The following ARHGAP39 variants were observed in gnomAD, a reference collection of about 807,000 sequenced individuals.
The protein encoded by ARHGAP39 is rho GTPase-activating protein 39.
A neutral mutation model predicts 106.9 loss-of-function variants in ARHGAP39; 44 were observed. That is an observed-to-expected ratio of 0.41 (90% CI 0.32 to 0.53). The LOEUF (loss-of-function observed/expected upper bound fraction) is 0.53, where lower values mean the gene tolerates loss of function less well. Among genes scored for constraint, ARHGAP39 ranks in the 20% least tolerant of loss-of-function variants. The probability of loss-of-function intolerance (pLI) is 0.21; values close to 1 mark genes in which losing one functional copy is unlikely to be tolerated. For synonymous variants in ARHGAP39, 768 were observed against 693.2 expected (o/e 1.11, Z -1.69); for missense variants, 1,496 against 1,577.3 (o/e 0.95, Z 0.87).
At chr8:144,554,904 C>A (rs943120665) in intron 4 of ARHGAP39, among the ~76,000 whole-genome samples, 30 of 152,354 alleles carry the variant, frequency 2.0e-4, no homozygotes, top group Middle Eastern at 3.4e-3. Flanking sequence ...CCAGTTCCTC[C>A]CCAGCACCAC....
In ARHGAP39 at chr8:144,533,250, C is replaced by T. The variant is rs371456040; in HGVS notation, c.2764G>A (p.Ala922Thr). The stretch of plus-strand genomic sequence containing the variant: ...TGCATGCCCATGACCTCCTGCAGTG[C>T]GCTGCCGAACATGGACGGGCTGAAC... ...AVFSPSMFGS[A>T]LQEVMGMQRE... Residue 922 changes from alanine (A) to threonine (T), a missense_variant, in exon 9 of 12, where the codon GCA (alanine) becomes ACA (threonine). Ala to Thr is a moderately conservative substitution (Grantham distance 58). Around this residue, in one of 4 missense-constraint regions of ARHGAP39, gnomAD observed 470 missense variants for 605.1 expected, o/e 0.78. Transcript: ENST00000377307. 1.2e-5 allele frequency: 19 copies of T among 1,613,142 alleles called. No homozygotes were observed. The highest frequency in any genetic ancestry group is 5.3e-5 in the African/African-American group (4 of 75,042).
At chr8:144,655,758 A>T (rs1376154917) in intron 1 of ARHGAP39, among the ~76,000 whole-genome samples, 1 of 152,126 alleles carries the variant, frequency 6.6e-6, no homozygotes, top group Non-Finnish European at 1.5e-5. Flanking sequence ...AACTTGGGCA[A>T]AGGCGCCACT....
chr8:144,614,074 C>T (rs969462319), intron 1 of ARHGAP39, among the ~76,000 whole-genome samples: 3 of 152,202 alleles, frequency 2.0e-5, no homozygotes, highest in African/African-American at 7.2e-5. Flanking sequence ...TGGACATTTT[C>T]GTTTCAACTC....
intron 2 of ARHGAP39, among the ~76,000 whole-genome samples, chr8:144,595,471 C>T (rs923967860): frequency 3.3e-5 from 5 of 152,168 alleles, no homozygotes; most frequent in African/African-American, 1.2e-4. Flanking sequence ...ATGGTGGCAG[C>T]AGCTGCACAA....
intron 2 of ARHGAP39, among the ~76,000 whole-genome samples, chr8:144,587,264 A>G (rs1819214849): frequency 6.6e-6 from 1 of 152,248 alleles, no homozygotes; most frequent in Non-Finnish European, 1.5e-5. Flanking sequence ...AGTGACAGCC[A>G]GGTAAGCACA....
intron 1 of ARHGAP39, among the ~76,000 whole-genome samples, chr8:144,667,809 T>C (rs973600838): frequency 6.6e-6 from 1 of 152,204 alleles, no homozygotes; most frequent in Non-Finnish European, 1.5e-5. Context: ...TGTTCTGAGG[T>C]ATAAATTATA....
In ARHGAP39 at chr8:144,536,604, C is replaced by T. The variant is rs527738188; in HGVS notation, c.2614+1117G>A. Among the ~76,000 whole-genome samples, 8 of 152,350 alleles carry T rather than the reference C, an allele frequency of 5.3e-5. 1 individual carries two copies. The South Asian group carries it at 1.7e-3, about 32-fold the overall frequency. On this transcript the variant is annotated intron_variant, in intron 7 of 11. Coordinates refer to ENST00000377307, the MANE Select transcript of ARHGAP39 (RefSeq NM_025251.3). ...TCTGTGGCCAGGAATCTCACCCCTACATTGCAGCTGGCCCTCTTCTCCCAG... is the reference window on the plus strand; with the variant it reads ...TCTGTGGCCAGGAATCTCACCCCTATATTGCAGCTGGCCCTCTTCTCCCAG...
intron 1 of ARHGAP39, among the ~76,000 whole-genome samples, chr8:144,676,671 T>C (rs1020352387): frequency 4.6e-5 from 7 of 152,232 alleles, no homozygotes; most frequent in Non-Finnish European, 8.8e-5. Flanking sequence ...GCCCGGGCAC[T>C]CCGGCAGCCC....
In ARHGAP39 at chr8:144,684,527, G is replaced by A. The variant is rs1453217232; in HGVS notation, c.-82+1159C>T. ...GGTTAAACCCGTACAGCACTGAGGG[G>A]GAGGGGGCCCGGCTGCGTTTCCGAA... is the stretch of plus-strand genomic sequence containing the variant. On this transcript the variant is annotated intron_variant, in intron 1 of 11. Coordinates refer to ENST00000377307, the MANE Select transcript of ARHGAP39 (RefSeq NM_025251.3). This position sits in a 1 kb window ranked among gnomAD's most constrained non-coding sequence, Gnocchi z 4.4. Among the ~76,000 whole-genome samples the A allele has an allele frequency of 6.6e-6, 1 of 152,232 alleles. No homozygotes were observed. Among genetic ancestry groups the A allele is most frequent in the African/African-American group, 2.4e-5 (1 of 41,468 alleles).
intron 1 of ARHGAP39, among the ~76,000 whole-genome samples, chr8:144,681,195 A>G (rs1822407739): frequency 6.6e-6 from 1 of 152,140 alleles, no homozygotes; most frequent in South Asian, 2.1e-4. Context: ...TGGCAGATGA[A>G]AGACACAACG....
intron 1 of ARHGAP39, among the ~76,000 whole-genome samples, chr8:144,637,154 TA>T (rs1340514111): frequency 1.3e-5 from 2 of 152,272 alleles, no homozygotes; most frequent in East Asian, 3.8e-4. Flanking sequence ...ATCTCATTCC[TA>T]AAACTTTTAC....
At chr8:144,572,011 C>G (rs1427849294) in intron 3 of ARHGAP39, among the ~76,000 whole-genome samples, 1 of 152,206 alleles carries the variant, frequency 6.6e-6, no homozygotes, top group African/African-American at 2.4e-5. Flanking sequence ...ACATTCCATG[C>G]TCATGGATAG....
intron 3 of ARHGAP39, among the ~76,000 whole-genome samples, chr8:144,560,035 G>C (rs144012150): frequency 6.6e-6 from 1 of 152,326 alleles, no homozygotes; most frequent in East Asian, 1.9e-4. Context: ...TATTACAAGT[G>C]TTTATTTTCT....
Position 144,685,826 on chromosome 8 carries a change from G to C in ARHGAP39, c.-222C>G, listed in dbSNP as rs1005881061. Reference sequence around the variant, plus strand: ...GCCCGTGCTGTCGGCGTCCTCCGCCGCCGCCGCCGGCCCAGTGCGCGGCGG... The same window carrying C: ...GCCCGTGCTGTCGGCGTCCTCCGCCCCCGCCGCCGGCCCAGTGCGCGGCGG... On this transcript the variant is annotated 5_prime_UTR_variant, in exon 1 of 12. Coordinates refer to ENST00000377307, the MANE Select transcript of ARHGAP39 (RefSeq NM_025251.3). Among the ~76,000 whole-genome samples the C allele has an allele frequency of 6.8e-6, 1 of 147,830 alleles. No homozygotes were observed. The highest frequency in any genetic ancestry group is 1.5e-5 in the Non-Finnish European group (1 of 66,338).
chr8:144,572,554 G>A (rs538094922), intron 3 of ARHGAP39, among the ~76,000 whole-genome samples: 84 of 152,204 alleles, frequency 5.5e-4, no homozygotes, highest in African/African-American at 2.0e-3. Flanking sequence ...TACCATTCAG[G>A]ACACAGGCAT....
chr8:144,598,231 G>A (rs1756566687), intron 2 of ARHGAP39, among the ~76,000 whole-genome samples: 1 of 152,216 alleles, frequency 6.6e-6, no homozygotes, highest in Non-Finnish European at 1.5e-5. Flanking sequence ...GAGTGTAAAG[G>A]GGAAACTCGG....
rs1328257139 is a variant in ARHGAP39 at position 144,671,424 on chromosome 8, A to G, written c.-82+14262T>C. The stretch of plus-strand genomic sequence containing the variant: ...CTTCCTAACTGCATGCTGACTCGGA[A>G]GGTGGGGCTCAAGCTGAGAAGTGCT... On this transcript the variant is annotated intron_variant, in intron 1 of 11. Coordinates refer to ENST00000377307, the MANE Select transcript of ARHGAP39 (RefSeq NM_025251.3). This position sits in a 1 kb window ranked among gnomAD's most constrained non-coding sequence, Gnocchi z 4.5. Among the ~76,000 whole-genome samples, 2 of 152,248 alleles carry G rather than the reference A, an allele frequency of 1.3e-5. No individual in the cohort carries two copies. Among genetic ancestry groups the G allele is most frequent in the Non-Finnish European group, 2.9e-5 (2 of 68,044 alleles).
chr8:144,672,905 G>A (rs1037174988), intron 1 of ARHGAP39, among the ~76,000 whole-genome samples: 5 of 152,098 alleles, frequency 3.3e-5, no homozygotes, highest in African/African-American at 4.8e-5. Flanking sequence ...GTGTAGCATC[G>A]CTACCACCTG....
intron 3 of ARHGAP39, among the ~76,000 whole-genome samples, chr8:144,560,146 C>T (rs1371708763): frequency 3.9e-5 from 6 of 152,218 alleles, no homozygotes. Context: ...CAACAAATGG[C>T]AAACTTGCCG....
Sources: allele counts gnomAD v4.1 joint callset (sites outside exome capture counted in the v4.1 genomes callset), GRCh38; gene constraint gnomAD v4.1.1; regional missense constraint gnomAD v4.1.1; non-coding constraint Gnocchi (gnomAD v3.1); transcripts MANE v1.5; gene names NCBI Gene and HGNC (gene_info 2026-07-23, HGNC 2026-07-21).